The following CATSPERH variants were observed in gnomAD, a reference collection of about 807,000 sequenced individuals.
CATSPERH encodes the protein catsper channel auxiliary subunit eta.
chr11:65,088,643 CCACT>C, the CATSPERH span: 9 of 1,535,944 alleles, frequency 5.9e-6, no homozygotes, highest in East Asian at 2.4e-5. Context: ...CCCACTCCTG[CCACT>C]CACTCAGGAT....
At chr11:65,089,088 C>T in the CATSPERH span, 1 of 1,390,098 alleles carries the variant, frequency 7.2e-7, no homozygotes, top group Non-Finnish European at 9.8e-7. Context: ...CAGGCCCTGC[C>T]CAGGAAAAGC....
At chr11:65,088,677 A>G in the CATSPERH span, 1 of 1,536,258 alleles carries the variant, frequency 6.5e-7, no homozygotes, top group African/African-American at 1.4e-5. Context: ...GGAGAAGCAG[A>G]CGTACTTGTT....
At chr11:65,088,631 C>T in the CATSPERH span, 32 of 1,535,272 alleles carry the variant, frequency 2.1e-5, no homozygotes, top group Admixed American at 7.8e-5. Context: ...CTCTTGCACC[C>T]TCCCACTCCT....
chr11:65,088,710 G>C, the CATSPERH span: 1 of 1,536,220 alleles, frequency 6.5e-7, no homozygotes, highest in Non-Finnish European at 8.7e-7. Context: ...AGCATAGAGT[G>C]ACCCCATGGC....
At chr11:65,088,704 TAG>T in the CATSPERH span, 11 of 1,536,214 alleles carry the variant, frequency 7.2e-6, no homozygotes, top group South Asian at 1.3e-4. Context: ...CATCTCAGCA[TAG>T]AGTGACCCCA....
the CATSPERH span, chr11:65,089,028 A>T: frequency 6.5e-7 from 1 of 1,535,474 alleles, no homozygotes; most frequent in East Asian, 2.4e-5. Context: ...TCTTGCAGCC[A>T]CATCTTGCCC....
the CATSPERH span, chr11:65,088,828 C>T: frequency 2.0e-6 from 3 of 1,535,478 alleles, no homozygotes; most frequent in Non-Finnish European, 2.6e-6. Flanking sequence ...TCTCCCACAG[C>T]CAGCCCTTGC....
chr11:65,088,798 G>T, the CATSPERH span: 2 of 1,535,100 alleles, frequency 1.3e-6, no homozygotes, highest in East Asian at 4.9e-5. Flanking sequence ...CAACAGTGGG[G>T]TTTCCATCAG....
chr11:65,088,463 G>A, the CATSPERH span: 21 of 1,536,232 alleles, frequency 1.4e-5, no homozygotes, highest in East Asian at 7.3e-5. Context: ...CCTCAGTGGT[G>A]CTCCTCCCGG....
the CATSPERH span, chr11:65,088,861 C>T: frequency 9.1e-6 from 14 of 1,535,724 alleles, no homozygotes; most frequent in Admixed American, 1.2e-4. Context: ...AGCCTACCAT[C>T]AGGACGACCG....
At chr11:65,088,395 A>G in the CATSPERH span, 1 of 1,492,076 alleles carries the variant, frequency 6.7e-7, no homozygotes, top group Non-Finnish European at 9.0e-7. Flanking sequence ...CAACTTTATT[A>G]AAACACCCGA....
chr11:65,089,003 A>G, the CATSPERH span: 2 of 1,535,618 alleles, frequency 1.3e-6, no homozygotes, highest in African/African-American at 1.4e-5. Context: ...TGGGAAGAAG[A>G]ACGTGGCGAT....
chr11:65,089,053 A>T, the CATSPERH span: 5 of 1,531,502 alleles, frequency 3.3e-6, no homozygotes, highest in Non-Finnish European at 4.4e-6. Context: ...TGTAGATGCA[A>T]GTCAGACTTG....
the CATSPERH span, chr11:65,088,589 C>T: frequency 2.6e-6 from 4 of 1,527,768 alleles, no homozygotes; most frequent in East Asian, 2.4e-5. Flanking sequence ...CTACTCCTTG[C>T]CACATCTCAG....
chr11:65,089,024 A>G, the CATSPERH span: 1 of 1,535,586 alleles, frequency 6.5e-7, no homozygotes, highest in Non-Finnish European at 8.7e-7. Flanking sequence ...GCGGTCTTGC[A>G]GCCACATCTT....
chr11:65,088,572 T>G, the CATSPERH span: 1 of 1,521,498 alleles, frequency 6.6e-7, no homozygotes, highest in African/African-American at 1.4e-5. Context: ...CCAGTACCCT[T>G]CCCTGGCTAC....
At chr11:65,088,468 T>G in the CATSPERH span, 1 of 1,536,086 alleles carries the variant, frequency 6.5e-7, no homozygotes, top group Non-Finnish European at 8.7e-7. Flanking sequence ...GTGGTGCTCC[T>G]CCCGGTACTC....
chr11:65,088,424 C>G, the CATSPERH span: 1 of 1,534,566 alleles, frequency 6.5e-7, no homozygotes, highest in Non-Finnish European at 8.7e-7. Flanking sequence ...TTTGCTTCCC[C>G]CTCCTTAGCC....
chr11:65,088,695 A>T, the CATSPERH span: 1 of 1,536,240 alleles, frequency 6.5e-7, no homozygotes, highest in Non-Finnish European at 8.7e-7. Context: ...GTTTTCTGTC[A>T]TCTCAGCATA....
Sources: gnomAD v4.1 joint callset for allele counts on GRCh38, gnomAD v4.1.1 for gene constraint, MANE v1.5 for transcripts, NCBI Gene and HGNC (gene_info 2026-07-23, HGNC 2026-07-21) for gene names.